Variants in PRR16 observed in about 807,000 individuals in gnomAD.
PRR16 encodes the protein protein Largen.
PRR16 carries 6 observed loss-of-function variants against 18.2 expected under a neutral mutation model. That is an observed-to-expected ratio of 0.33 (90% confidence interval 0.18 to 0.65). The LOEUF is 0.65. Among genes scored for constraint, PRR16 ranks in the 30% least tolerant of loss-of-function variants. The pLI is 0.74. For missense variants in PRR16, 412 were observed against 376.6 expected, an observed-to-expected ratio of 1.09 and a Z score of -0.78; for synonymous variants, 151 against 147.8, an observed-to-expected ratio of 1.02 and a Z score of -0.16.
At chr5:120,626,470 A>G (rs1412655053) in intron 1 of PRR16, among the ~76,000 whole-genome samples, 1 of 152,192 alleles carries the variant, frequency 6.6e-6, no homozygotes, top group Non-Finnish European at 1.5e-5. Context: ...TGATGACTGC[A>G]AATGAGCATG....
intron 1 of PRR16, among the ~76,000 whole-genome samples, chr5:120,604,818 C>A (rs1382890544): frequency 6.6e-6 from 1 of 152,078 alleles, no homozygotes; most frequent in South Asian, 2.1e-4. Flanking sequence ...ATATGAAATT[C>A]TTTGTTGGAA....
intron 1 of PRR16, among the ~76,000 whole-genome samples, chr5:120,614,033 C>G (rs1297225887): frequency 6.6e-6 from 1 of 152,172 alleles, no homozygotes; most frequent in Non-Finnish European, 1.5e-5. Context: ...CACACAGATT[C>G]AATTGGTAAG....
chr5:120,550,687 A>C (rs1752225890), intron 1 of PRR16, among the ~76,000 whole-genome samples: 1 of 152,050 alleles, frequency 6.6e-6, no homozygotes, highest in Admixed American at 6.6e-5. Context: ...TATTTGTGTA[A>C]GTGCTCAGCA....
At chr5:120,773,940 T>C in the PRR16 span, among the ~76,000 whole-genome samples, 1 of 152,102 alleles carries the variant, frequency 6.6e-6, no homozygotes, top group Non-Finnish European at 1.5e-5. Flanking sequence ...GGTATTAACA[T>C]ATTTTTGTAC....
At chr5:120,604,100 AT>A (rs35932718) in intron 1 of PRR16, among the ~76,000 whole-genome samples, 23,493 of 147,398 alleles carry the variant, frequency 0.16, 2,297 homozygotes, top group African/African-American at 0.29. Context: ...TAGGTCCCAA[AT>A]TTTTTTTTTT....
At chr5:120,665,469 C>A (rs568301134) in intron 1 of PRR16, among the ~76,000 whole-genome samples, 1 of 152,068 alleles carries the variant, frequency 6.6e-6, no homozygotes, top group African/African-American at 2.4e-5. Flanking sequence ...TAATTAGATC[C>A]CATTTGTCAA....
intron 1 of PRR16, among the ~76,000 whole-genome samples, chr5:120,559,007 G>A (rs1191636611): frequency 1.3e-5 from 2 of 151,746 alleles, no homozygotes; most frequent in Non-Finnish European, 2.9e-5. Flanking sequence ...TTTTCCTGTA[G>A]AGTTGTTTGA....
In PRR16 at chr5:120,682,299, CTCTTA is replaced by C. The variant is rs796460395; in HGVS notation, c.160-3653_160-3649del. ...ACCTTTCTGATGGGGTCTTCCTCTT[CTCTTA>C]TAACATCTTATATTCTTCAGAGCGC... On this transcript the variant is annotated intron_variant, in intron 1 of 1. Transcript: ENST00000407149. 3.9e-5 allele frequency among the ~76,000 whole-genome samples: 6 copies of C among 152,338 alleles called. No individual in the cohort carries two copies. In the South Asian group the frequency reaches 1.0e-3, roughly 26 times the overall value.
At chr5:120,600,133 T>G (rs1340207177) in intron 1 of PRR16, among the ~76,000 whole-genome samples, 1 of 151,892 alleles carries the variant, frequency 6.6e-6, no homozygotes, top group Non-Finnish European at 1.5e-5. Context: ...TGCTCTTCGT[T>G]TCGTAGCCCA....
chr5:120,713,885 A>T, the PRR16 span, among the ~76,000 whole-genome samples: 1 of 152,214 alleles, frequency 6.6e-6, no homozygotes, highest in African/African-American at 2.4e-5. Context: ...TTTAACTTTC[A>T]TAAGCAATCT....
chr5:120,702,134 G>A, the PRR16 span, among the ~76,000 whole-genome samples: 1 of 151,542 alleles, frequency 6.6e-6, no homozygotes, highest in Non-Finnish European at 1.5e-5. Context: ...GGGTTCAGGG[G>A]TTCTTACCTT....
intron 1 of PRR16, among the ~76,000 whole-genome samples, chr5:120,543,450 A>C (rs1029959522): frequency 6.6e-6 from 1 of 152,158 alleles, no homozygotes; most frequent in African/African-American, 2.4e-5. Flanking sequence ...GAAATCAGTC[A>C]CTTATTTCTA....
intron 1 of PRR16, among the ~76,000 whole-genome samples, chr5:120,577,114 G>A (rs536508004): frequency 6.6e-6 from 1 of 151,916 alleles, no homozygotes; most frequent in Non-Finnish European, 1.5e-5. Context: ...GTGAATAATT[G>A]CATATTCTTG....
At chr5:120,518,547 G>C (rs1475748618) in intron 1 of PRR16, among the ~76,000 whole-genome samples, 1 of 150,648 alleles carries the variant, frequency 6.6e-6, no homozygotes, top group Non-Finnish European at 1.5e-5. Flanking sequence ...GAGTTGAAAG[G>C]CTATCCTCAT....
chr5:120,656,072 G>A (rs1158254312), intron 1 of PRR16, among the ~76,000 whole-genome samples: 1 of 151,750 alleles, frequency 6.6e-6, no homozygotes, highest in Non-Finnish European at 1.5e-5. Context: ...TACACAGTCA[G>A]ACCCAGAATT....
chr5:120,518,631 AT>A (rs1336568314), intron 1 of PRR16, among the ~76,000 whole-genome samples: 4 of 151,208 alleles, frequency 2.6e-5, no homozygotes, highest in Non-Finnish European at 4.4e-5. Flanking sequence ...GTAGTAATAA[AT>A]TTTTTCCTGG....
chr5:120,633,270 A>G (rs1417311582), intron 1 of PRR16, among the ~76,000 whole-genome samples: 1 of 152,212 alleles, frequency 6.6e-6, no homozygotes, highest in Non-Finnish European at 1.5e-5. Flanking sequence ...ATCTCCTTAA[A>G]GCATAAATCT....
downstream of PRR16, among the ~76,000 whole-genome samples, chr5:120,687,763 T>C (rs1234255507): frequency 2.0e-5 from 3 of 152,186 alleles, no homozygotes; most frequent in Admixed American, 6.6e-5. Flanking sequence ...CCATGGGCCG[T>C]TGCTGTCTTC....
intron 1 of PRR16, among the ~76,000 whole-genome samples, chr5:120,512,564 G>A (rs990741781): frequency 6.6e-6 from 1 of 152,100 alleles, no homozygotes; most frequent in Non-Finnish European, 1.5e-5. Flanking sequence ...AGAATCATAT[G>A]TTTTCCTACC....
Sources: gnomAD v4.1 joint callset for allele counts (sites outside exome capture counted in the v4.1 genomes callset) on GRCh38, gnomAD v4.1.1 for gene constraint, MANE v1.5 for transcripts, NCBI Gene and HGNC (gene_info 2026-07-23, HGNC 2026-07-21) for gene names.